The following STX16 variants were observed in gnomAD, a reference collection of about 807,000 sequenced individuals.
STX16 encodes the protein syntaxin 16.
Under a neutral mutation model 42.7 loss-of-function variants are expected in STX16, and 28 were observed. The ratio of observed to expected loss-of-function variants is 0.66; its 90% CI spans 0.49 to 0.90. The LOEUF (loss-of-function observed/expected upper bound fraction) is 0.90. Ranked by LOEUF, STX16 falls within the 40% of genes least tolerant of loss-of-function variation. The probability of loss-of-function intolerance (pLI) is 0.00; values close to 1 mark genes in which losing one functional copy is unlikely to be tolerated. For synonymous variants in STX16, 156 were observed against 155.2 expected (o/e 1.00, Z -0.04); for missense variants, 361 against 420.9 (o/e 0.86, Z 1.24).
Position 58,667,566 on chromosome 20 carries a change from C to G in STX16, c.221C>G (p.Pro74Arg). 1.2e-6 allele frequency: 2 copies of G among 1,614,126 alleles called. No individual in the cohort carries two copies. The highest frequency in any genetic ancestry group is 1.7e-6 in the Non-Finnish European group (2 of 1,180,034). The change falls in exon 3 of 9, where the codon CCA becomes CGA. Residue 74 changes from proline (P) to arginine (R), a missense_variant. By Grantham distance (103) the Pro-to-Arg change is moderately radical. Coordinates refer to ENST00000371141, the MANE Select transcript of STX16 (RefSeq NM_001001433.3). ...PEAAIGVTKRPPPKWVDGVDE... is the reference protein window; with the variant it reads ...PEAAIGVTKRRPPKWVDGVDE... ...GCAGCGATTGGTGTGACAAAACGGC[C>G]ACCTCCTAAGTGGGTGGATGGAGTG...
At chr20:58,674,553 C>G (rs867089758) in intron 8 of STX16, among the ~76,000 whole-genome samples, 78 of 152,152 alleles carry the variant, frequency 5.1e-4, no homozygotes, top group African/African-American at 1.8e-3. Context: ...GCTTCCTATA[C>G]CAGAGATCGC....
intron 1 of STX16, among the ~76,000 whole-genome samples, chr20:58,658,866 C>T (rs2083636183): frequency 6.6e-6 from 1 of 152,184 alleles, no homozygotes; most frequent in African/African-American, 2.4e-5. Flanking sequence ...ATTATTCTTA[C>T]CTTTTGTTTT....
intron 1 of STX16, among the ~76,000 whole-genome samples, chr20:58,658,987 G>C (rs1024663302): frequency 6.6e-6 from 1 of 152,122 alleles, no homozygotes; most frequent in Admixed American, 6.5e-5. Context: ...TGCCACCTGT[G>C]TCTCTCTCCG....
intron 7 of STX16, among the ~76,000 whole-genome samples, chr20:58,673,349 A>G (rs2084026341): frequency 6.6e-6 from 1 of 152,116 alleles, no homozygotes; most frequent in East Asian, 1.9e-4. Flanking sequence ...GGAAGTCCGA[A>G]TATGGCATTT....
rs2083865990 is a variant in STX16 at position 58,667,532 on chromosome 20, G to C, written c.187G>C (p.Asp63His). ...GGCACTGGTGTCAGGCATCAGCTTA[G>C]ATCCAGAAGCAGCGATTGGTGTGAC... Reference protein sequence around the residue: ...RMALVSGISLDPEAAIGVTKR... With the variant: ...RMALVSGISLHPEAAIGVTKR... The change falls in exon 3 of 9, where the codon GAT becomes CAT. Residue 63 changes from aspartate to histidine, a missense_variant. Physicochemically the swap from Asp to His is moderately conservative, Grantham distance 81 (BLOSUM62 -1). Coordinates refer to ENST00000371141, the MANE Select transcript of STX16 (RefSeq NM_001001433.3). 2 of 1,614,178 alleles carry C rather than the reference G, an allele frequency of 1.2e-6. No individual in the cohort carries two copies. The highest frequency in any genetic ancestry group is 1.7e-6 in the Non-Finnish European group (2 of 1,180,032).
intron 1 of STX16, among the ~76,000 whole-genome samples, chr20:58,656,537 A>G (rs1053094538): frequency 6.6e-6 from 1 of 152,194 alleles, no homozygotes; most frequent in Admixed American, 6.5e-5. Context: ...GAAATTCTGT[A>G]TGGATTTGTG....
chr20:58,667,220 C>T (rs1309634106), intron 2 of STX16: 11 of 537,480 alleles, frequency 2.0e-5, no homozygotes, highest in African/African-American at 1.3e-4. Flanking sequence ...GTCAAATTTA[C>T]GTTCTGAAGT....
Position 58,657,860 on chromosome 20 carries a change from C to T in STX16, c.133-1763C>T, listed in dbSNP as rs2083615133. Among the ~76,000 whole-genome samples, 1 of 152,072 alleles carries T rather than the reference C, an allele frequency of 6.6e-6. No homozygotes were observed. Among genetic ancestry groups the T allele is most frequent in the South Asian group, 2.1e-4 (1 of 4,828 alleles). On this transcript the variant is annotated intron_variant, in intron 1 of 8. Transcript: ENST00000371141. The surrounding 1 kb of genome is among the most constrained non-coding windows in gnomAD (Gnocchi z 4.2). ...CTGATGTGGTGGTAGCTGCCTATCA[C>T]AAGTAATTCCCTGAATTGTTAATAA...
In STX16 at chr20:58,651,816, G is replaced by A. The variant is rs1047086651; in HGVS notation, c.-191G>A. ...GGAGTCAGACAATTGGAAAGCCTAG[G>A]TAGTTATTTGGGGAGGGGTCTCTAC... is the stretch of plus-strand genomic sequence containing the variant. On this transcript the variant is annotated 5_prime_UTR_variant, in exon 1 of 9. Coordinates refer to ENST00000371141, the MANE Select transcript of STX16 (RefSeq NM_001001433.3). 1 of 591,562 alleles carries A rather than the reference G, an allele frequency of 1.7e-6. No individual in the cohort carries two copies. Among genetic ancestry groups the A allele is most frequent in the African/African-American group, 1.9e-5 (1 of 53,656 alleles). The allele number at this position is 591,562 out of a possible 1,614,324, so 36.6% of individuals were successfully genotyped here.
intron 1 of STX16, among the ~76,000 whole-genome samples, chr20:58,655,505 G>C (rs947251266): frequency 6.6e-6 from 1 of 152,186 alleles, no homozygotes; most frequent in Non-Finnish European, 1.5e-5. Context: ...AAAGCCTCAA[G>C]GGCCAGAAGG....
rs538009070 is a variant in STX16, at chr20:58,651,976, C to G, written c.-31C>G. On this transcript the variant is annotated 5_prime_UTR_variant, in exon 1 of 9. Coordinates refer to ENST00000371141, the MANE Select transcript of STX16 (RefSeq NM_001001433.3). ...ATCAGGAATATAAGTGGGCGGGGGG[C>G]CCCTGAGAGGGGGGTCGCAAAGGGT... 3 of 1,610,102 alleles carry G rather than the reference C, an allele frequency of 1.9e-6. No individual in the cohort carries two copies. The highest frequency in any genetic ancestry group is 2.2e-5 in the South Asian group (2 of 90,980).
intron 1 of STX16, among the ~76,000 whole-genome samples, chr20:58,659,093 G>A (rs2122924469): frequency 1.3e-5 from 2 of 152,326 alleles, no homozygotes; most frequent in South Asian, 4.1e-4. Context: ...TCACTCACAT[G>A]TTATCTGAAT....
intron 8 of STX16, among the ~76,000 whole-genome samples, chr20:58,675,095 G>C (rs946712744): frequency 5.3e-5 from 8 of 152,082 alleles, no homozygotes; most frequent in Non-Finnish European, 1.0e-4. Context: ...TAGGCAGCAC[G>C]CGCGTGCTCG....
intron 1 of STX16, among the ~76,000 whole-genome samples, chr20:58,658,882 G>A (rs942892501): frequency 3.9e-5 from 6 of 151,994 alleles, no homozygotes; most frequent in African/African-American, 9.7e-5. Flanking sequence ...GTTTTGTCTC[G>A]TTTGCTTGCT....
intron 1 of STX16, 196 bp downstream of exon 1, chr20:58,652,334 C>G: frequency 1.3e-6 from 1 of 769,924 alleles, no homozygotes; most frequent in Non-Finnish European, 2.2e-6. Flanking sequence ...GAGGCCGCAG[C>G]TCCACCTCTG....
intron 1 of STX16, among the ~76,000 whole-genome samples, chr20:58,655,141 C>T (rs1008153813): frequency 6.6e-6 from 1 of 152,088 alleles, no homozygotes; most frequent in African/African-American, 2.4e-5. Context: ...AAGCTGTAGA[C>T]TTTGATCTTG....
rs764450970 is a variant in STX16 at position 58,652,027 on chromosome 20, C to T, written c.21C>T (p.Thr7=). 2.5e-6 allele frequency: 4 copies of T among 1,614,152 alleles called. No homozygotes were observed. The highest frequency in any genetic ancestry group is 1.7e-5 in the Admixed American group (1 of 60,016). Residue 7 remains threonine (T), a synonymous_variant, in exon 1 of 9, where the codon ACC becomes ACT. Coordinates refer to ENST00000371141, the MANE Select transcript of STX16 (RefSeq NM_001001433.3). MATRRL[T]DAFLLLRNNS... ...GAGACATGGCCACCAGGCGTTTAAC[C>T]GACGCTTTCTTGTTGTTGCGGAATA...
chr20:58,676,082 C>A, intron 8 of STX16, 105 bp from the exon 9 acceptor site: 1 of 860,816 alleles, frequency 1.2e-6, no homozygotes, highest in Non-Finnish European at 1.9e-6. Context: ...GCAGAGACCT[C>A]AGTCACTGTG....
At chr20:58,652,347 C>T (rs762520114) in intron 1 of STX16, 53 of 681,380 alleles carry the variant, frequency 7.8e-5, no homozygotes, top group Admixed American at 4.7e-4. Flanking sequence ...CACCTCTGCC[C>T]GGTCTTCTCC....
Sources: allele counts gnomAD v4.1 joint callset (sites outside exome capture counted in the v4.1 genomes callset), GRCh38; gene constraint gnomAD v4.1.1; non-coding constraint Gnocchi (gnomAD v3.1); transcripts MANE v1.5; gene names NCBI Gene and HGNC (gene_info 2026-07-23, HGNC 2026-07-21).